The following CDCP1 variants were observed in gnomAD, a reference collection of about 807,000 sequenced individuals.
CDCP1 encodes CUB domain containing protein 1, also known as CUB domain-containing protein 1.
A neutral mutation model predicts 60.2 loss-of-function variants in CDCP1; 29 were observed. The ratio of observed to expected loss-of-function variants is 0.48; its 90% CI spans 0.36 to 0.66. CDCP1 has a LOEUF of 0.66. Among genes scored for constraint, CDCP1 ranks in the 30% least tolerant of loss-of-function variants. The probability of loss-of-function intolerance (pLI) is 0.00; values close to 1 mark genes in which losing one functional copy is unlikely to be tolerated. For missense variants in CDCP1, 876 were observed against 1,074.3 expected, an observed-to-expected ratio of 0.82 and a Z score of 2.58; for synonymous variants, 387 against 431.1, an observed-to-expected ratio of 0.90 and a Z score of 1.27.
intron 4 of CDCP1, 91 bp downstream of exon 4, chr3:45,110,382 G>T: frequency 6.6e-7 from 1 of 1,517,576 alleles, no homozygotes; most frequent in South Asian, 1.3e-5. Context: ...CCACAGATGA[G>T]AAACAGGAAG....
chr3:45,087,070 C>T (rs998644765), intron 8 of CDCP1, among the ~76,000 whole-genome samples: 1 of 152,166 alleles, frequency 6.6e-6, no homozygotes, highest in African/African-American at 2.4e-5. Context: ...TGTTTGTCCC[C>T]ACTAAAGCTC....
chr3:45,123,590 G>A (rs1396499344), intron 1 of CDCP1, among the ~76,000 whole-genome samples: 2 of 152,120 alleles, frequency 1.3e-5, no homozygotes, highest in Non-Finnish European at 1.5e-5. Flanking sequence ...GGAGCAAGAA[G>A]ATAATGATTC....
intron 1 of CDCP1, among the ~76,000 whole-genome samples, chr3:45,138,790 G>A (rs568553860): frequency 4.6e-5 from 7 of 152,296 alleles, no homozygotes; most frequent in African/African-American, 1.7e-4. Context: ...AGGTTGCAGT[G>A]AGCTGAGATT....
intron 5 of CDCP1, 100 bp from the exon 6 acceptor site, chr3:45,093,757 CTG>C: frequency 7.3e-7 from 1 of 1,362,442 alleles, no homozygotes; most frequent in Non-Finnish European, 1.0e-6. Context: ...GCATGCTGCC[CTG>C]TGTTTCCCTT....
At chr3:45,132,542 C>A (rs764910112) in intron 1 of CDCP1, among the ~76,000 whole-genome samples, 1 of 151,392 alleles carries the variant, frequency 6.6e-6, no homozygotes, top group South Asian at 2.1e-4. Flanking sequence ...AAGACAGAGA[C>A]CTGTTCTGCG....
At chr3:45,098,919 C>T (rs995876604) in intron 4 of CDCP1, among the ~76,000 whole-genome samples, 1 of 152,054 alleles carries the variant, frequency 6.6e-6, no homozygotes, top group African/African-American at 2.4e-5. Flanking sequence ...TATAAATCTC[C>T]TTTCAATAAA....
At chr3:45,134,932 A>G (rs1478631950) in intron 1 of CDCP1, among the ~76,000 whole-genome samples, 1 of 152,222 alleles carries the variant, frequency 6.6e-6, no homozygotes. Flanking sequence ...TGTTATGTCA[A>G]TGAGGAAGGC....
chr3:45,092,093 C>A (rs559123516), intron 6 of CDCP1, among the ~76,000 whole-genome samples: 4 of 152,340 alleles, frequency 2.6e-5, no homozygotes, highest in African/African-American at 9.6e-5. Flanking sequence ...CTGTGCCCAG[C>A]CTCATATTAA....
At chr3:45,119,242 C>T (rs942887466) in intron 1 of CDCP1, among the ~76,000 whole-genome samples, 1 of 152,148 alleles carries the variant, frequency 6.6e-6, no homozygotes. Flanking sequence ...TTAGAAAAAA[C>T]ACCTGAGCAA....
chr3:45,097,319 A>G (rs1244567087), intron 4 of CDCP1, among the ~76,000 whole-genome samples: 1 of 149,806 alleles, frequency 6.7e-6, no homozygotes, highest in Non-Finnish European at 1.5e-5. Context: ...AAAAAAAAAG[A>G]AAGAAAGAAA....
chr3:45,128,084 C>T (rs373736548), intron 1 of CDCP1, among the ~76,000 whole-genome samples: 25 of 152,196 alleles, frequency 1.6e-4, no homozygotes, highest in African/African-American at 5.8e-4. Context: ...GAAAGGACCA[C>T]ATTAAACACT....
At chr3:45,089,315 C>T (rs1459333900) in intron 7 of CDCP1, among the ~76,000 whole-genome samples, 174 bp from the exon 8 acceptor site, 1 of 152,222 alleles carries the variant, frequency 6.6e-6, no homozygotes, top group Non-Finnish European at 1.5e-5. Flanking sequence ...TTCCTTTCCT[C>T]TTGGATCTGG....
chr3:45,083,575 G>A lies in CDCP1; in HGVS notation c.*2063C>T, dbSNP rs11550125. The A allele has an allele frequency of 0.08, 12,114 of 152,182 alleles. 677 individuals carry two copies. The highest frequency in any genetic ancestry group is 0.11 in the Non-Finnish European group (7,765 of 68,020). 9.4% of individuals were successfully genotyped at this position (152,182 alleles called of 1,614,324 possible). The stretch of plus-strand genomic sequence containing the variant: ...CCTTCCAGATCAGAGCAGGGGTGAG[G>A]AAGCAAAAGTCCACAGTTACTGGGC... On this transcript the variant is annotated 3_prime_UTR_variant, in exon 9 of 9. Transcript: ENST00000296129.
At chr3:45,095,126 G>T (rs1293932657) in intron 5 of CDCP1, among the ~76,000 whole-genome samples, 1 of 152,036 alleles carries the variant, frequency 6.6e-6, no homozygotes, top group Non-Finnish European at 1.5e-5. Flanking sequence ...TAAAGATGGG[G>T]TTTTACCACG....
At chr3:45,087,610 T>C (rs1698216837) in intron 8 of CDCP1, among the ~76,000 whole-genome samples, 1 of 152,188 alleles carries the variant, frequency 6.6e-6, no homozygotes. Context: ...CCACTTCTCA[T>C]GGGGAAAAGA....
In CDCP1 at chr3:45,095,486, C is replaced by A. The variant is rs200278905; in HGVS notation, c.1107G>T (p.Lys369Asn). The stretch of plus-strand genomic sequence containing the variant: ...GACACACGAAACAGCCAGGGACAAA[C>A]TTGCGGCTCTGTTTGACGGGCCGTG... ...IEPRPVKQSR[K>N]FVPGCFVCLE... is the part of the protein sequence containing the mutation. The change falls in exon 5 of 9, where the codon AAG becomes AAT. Residue 369 changes from lysine to asparagine, a missense_variant. Physicochemically the swap from Lys to Asn is moderately conservative, Grantham distance 94. This residue lies in a region of CDCP1 where 726 missense variants were observed against 935.7 expected (regional missense o/e 0.78). Transcript: ENST00000296129. 6.2e-7 allele frequency: 1 copy of A among 1,614,192 alleles called. No homozygotes were observed. Among genetic ancestry groups the A allele is most frequent in the East Asian group, 2.2e-5 (1 of 44,878 alleles).
chr3:45,143,602 T>G (rs750369683), intron 1 of CDCP1, among the ~76,000 whole-genome samples: 9 of 152,242 alleles, frequency 5.9e-5, no homozygotes, highest in Non-Finnish European at 1.3e-4. Flanking sequence ...TAGATAATTT[T>G]TTTCCATTTT....
chr3:45,103,227 G>C (rs1236415150), intron 4 of CDCP1, among the ~76,000 whole-genome samples: 1 of 152,102 alleles, frequency 6.6e-6, no homozygotes, highest in Non-Finnish European at 1.5e-5. Flanking sequence ...AAATGGAATT[G>C]TACGGTACAT....
At chr3:45,103,893 T>C (rs189922959) in intron 4 of CDCP1, among the ~76,000 whole-genome samples, 27 of 152,338 alleles carry the variant, frequency 1.8e-4, no homozygotes, top group Admixed American at 1.5e-3. Flanking sequence ...ATAAATTACC[T>C]AGTCTCAGGT....
Sources: allele counts gnomAD v4.1 joint callset (sites outside exome capture counted in the v4.1 genomes callset), GRCh38; gene constraint gnomAD v4.1.1; regional missense constraint gnomAD v4.1.1; transcripts MANE v1.5; gene names NCBI Gene and HGNC (gene_info 2026-07-23, HGNC 2026-07-21).